The following SEPTIN9 variants were observed in gnomAD, a reference collection of about 807,000 sequenced individuals.
SEPTIN9 encodes septin 9.
A neutral mutation model predicts 56.6 loss-of-function variants in SEPTIN9; 13 were observed. The observed-to-expected ratio is 0.23, with a 90% confidence interval of 0.15 to 0.37. The LOEUF (loss-of-function observed/expected upper bound fraction) is 0.37, where lower values mean the gene tolerates loss of function less well. SEPTIN9 is among the 10% of genes least tolerant of loss of function. SEPTIN9 has a pLI of 1.00. For missense variants in SEPTIN9, 650 were observed against 823.1 expected, an observed-to-expected ratio of 0.79 and a Z score of 2.57; for synonymous variants, 332 against 334.1, an observed-to-expected ratio of 0.99 and a Z score of 0.07.
intron 3 of SEPTIN9, among the ~76,000 whole-genome samples, chr17:77,403,131 G>A (rs1229141203): frequency 2.0e-5 from 3 of 152,102 alleles, no homozygotes; most frequent in African/African-American, 7.2e-5. Flanking sequence ...ACATTCTGGT[G>A]GCTCCTGCTT....
At chr17:77,360,193 C>G (rs1033499111) in intron 2 of SEPTIN9, among the ~76,000 whole-genome samples, 2 of 150,982 alleles carry the variant, frequency 1.3e-5, no homozygotes, top group Non-Finnish European at 2.9e-5. Context: ...AGGGCCAGGT[C>G]TGTAGCCACA....
chr17:77,320,399 G>C (rs542039627), intron 2 of SEPTIN9: 2 of 1,506,938 alleles, frequency 1.3e-6, no homozygotes, highest in East Asian at 2.3e-5. Context: ...CCCTGGACTC[G>C]GGGCTTTATT....
rs2040098327 is a variant in SEPTIN9 at position 77,492,977 on chromosome 17, C to T, written c.1477-3C>T. 3 of 1,563,036 alleles carry T rather than the reference C, an allele frequency of 1.9e-6. No homozygotes were observed. The highest frequency in any genetic ancestry group is 1.7e-6 in the Non-Finnish European group (2 of 1,153,910). ...TAACCAATACCGTCTGCCCGTTCCC[C>T]AGGAGATGATCCCATTTGCTGTGGT... On this transcript the variant is annotated splice_region_variant and splice_polypyrimidine_tract_variant and intron_variant, in intron 9 of 11. Coordinates refer to ENST00000427177, the MANE Select transcript of SEPTIN9 (RefSeq NM_001113491.2). The surrounding 1 kb of genome is among the most constrained non-coding windows in gnomAD (Gnocchi z 5.4).
At chr17:77,306,391 C>T (rs1159198929) in intron 1 of SEPTIN9, among the ~76,000 whole-genome samples, 3 of 152,218 alleles carry the variant, frequency 2.0e-5, no homozygotes, top group South Asian at 4.1e-4. Flanking sequence ...CTCCCAGGGC[C>T]GCTCCTCCTG....
chr17:77,341,624 A>C (rs2143758813), intron 2 of SEPTIN9, among the ~76,000 whole-genome samples: 1 of 151,716 alleles, frequency 6.6e-6, no homozygotes, highest in East Asian at 1.9e-4. Flanking sequence ...AAAATACCAA[A>C]ATTAGCCAGG....
In SEPTIN9 at chr17:77,435,713, G is replaced by A. The variant is rs2037311573; in HGVS notation, c.721+33010G>A. The stretch of plus-strand genomic sequence containing the variant: ...GTAATCCGTAGTGCTGTTGTCTGTG[G>A]CTGCCTTTGGCTGGCATCTCACCTC... On this transcript the variant is annotated intron_variant, in intron 3 of 11. Transcript: ENST00000427177. The surrounding 1 kb of genome is among the most constrained non-coding windows in gnomAD (Gnocchi z 4.5). Among the ~76,000 whole-genome samples the A allele has an allele frequency of 6.6e-6, 1 of 152,232 alleles. No individual in the cohort carries two copies. The highest frequency in any genetic ancestry group is 6.5e-5 in the Admixed American group (1 of 15,288).
At position 77,329,741 on chromosome 17, in the gene SEPTIN9, C is replaced by T. The variant is rs1437145436; in HGVS notation, c.76+22544C>T. Among the ~76,000 whole-genome samples the T allele has an allele frequency of 1.3e-5, 2 of 152,172 alleles. No homozygotes were observed. Among genetic ancestry groups the T allele is most frequent in the Non-Finnish European group, 2.9e-5 (2 of 68,030 alleles). Reference sequence around the variant, plus strand: ...TGCTGTCCACCGTCCCACCATCCTTCAGGTTTCTTCCCAGCCTCTGACTCG... The same window carrying T: ...TGCTGTCCACCGTCCCACCATCCTTTAGGTTTCTTCCCAGCCTCTGACTCG... On this transcript the variant is annotated intron_variant, in intron 2 of 11. Transcript: ENST00000427177. The surrounding 1 kb of genome is among the most constrained non-coding windows in gnomAD (Gnocchi z 4.3).
chr17:77,294,511 G>A (rs759248821), intron 1 of SEPTIN9: 14 of 169,500 alleles, frequency 8.3e-5, no homozygotes, highest in Non-Finnish European at 1.3e-4. Context: ...CAAAAGTGGC[G>A]GTCAACATGG....
intron 3 of SEPTIN9, among the ~76,000 whole-genome samples, chr17:77,426,740 A>G (rs312892): frequency 0.22 from 33,578 of 152,030 alleles, 8,493 homozygotes; most frequent in African/African-American, 0.61. Flanking sequence ...GTGGCTTTCT[A>G]TGGGGCATGG....
intron 2 of SEPTIN9, among the ~76,000 whole-genome samples, chr17:77,395,835 A>G (rs1385471908): frequency 6.6e-6 from 1 of 152,230 alleles, no homozygotes; most frequent in African/African-American, 2.4e-5. Flanking sequence ...GGCCTTTGAC[A>G]TATGGGTTTA....
Position 77,429,639 on chromosome 17 carries a change from A to T in SEPTIN9, c.721+26936A>T, listed in dbSNP as rs536864055. On this transcript the variant is annotated intron_variant, in intron 3 of 11. Transcript: ENST00000427177. This position sits in a 1 kb window ranked among gnomAD's most constrained non-coding sequence, Gnocchi z 5.2. ...GGGTGCTGGTGTGGAGTTTGCACAG[A>T]TGGGGATAATGAGCTGGAGGGTGCT... Among the ~76,000 whole-genome samples the T allele has an allele frequency of 6.6e-6, 1 of 152,208 alleles. No homozygotes were observed. Among genetic ancestry groups the T allele is most frequent in the South Asian group, 2.1e-4 (1 of 4,822 alleles).
At position 77,326,458 on chromosome 17, in the gene SEPTIN9, A is replaced by G. The variant is rs547974155; in HGVS notation, c.76+19261A>G. ...ACACCTTCGGGCTGAGCGCAGAAGG[A>G]TGAGGGGAGTAAACCAGGCTCAAAC... On this transcript the variant is annotated intron_variant, in intron 2 of 11. Coordinates refer to ENST00000427177, the MANE Select transcript of SEPTIN9 (RefSeq NM_001113491.2). This position sits in a 1 kb window ranked among gnomAD's most constrained non-coding sequence, Gnocchi z 5.1. Among the ~76,000 whole-genome samples, 10 of 152,334 alleles carry G rather than the reference A, an allele frequency of 6.6e-5. No individual in the cohort carries two copies. The South Asian group carries it at 2.1e-3, about 32-fold the overall frequency.
chr17:77,380,428 C>T (rs2035103320), intron 2 of SEPTIN9, among the ~76,000 whole-genome samples: 6 of 151,844 alleles, frequency 4.0e-5, no homozygotes, highest in Admixed American at 3.9e-4. Flanking sequence ...CTGAATATCC[C>T]CCTACAGCCT....
chr17:77,387,598 G>C (rs1038716810), intron 2 of SEPTIN9, among the ~76,000 whole-genome samples: 1 of 152,060 alleles, frequency 6.6e-6, no homozygotes, highest in African/African-American at 2.4e-5. Flanking sequence ...CGGAGACACC[G>C]CGGATCTCCT....
rs2040077684 is a variant in SEPTIN9 at position 77,492,632 on chromosome 17, C to A, written c.1392C>A (p.Asp464Glu). Residue 464 changes from aspartate (D) to glutamate (E), a missense_variant, in exon 9 of 12, where the codon GAC becomes GAA. Asp to Glu is a conservative substitution (Grantham distance 45). Transcript: ENST00000427177. The surrounding 1 kb of genome is among the most constrained non-coding windows in gnomAD (Gnocchi z 5.4). ...CCTCCTTATCCCAGATCACCGCAGACCTGCTGTCCAACGGCATCGACGTGT... is the reference window on the plus strand; with the variant it reads ...CCTCCTTATCCCAGATCACCGCAGAACTGCTGTCCAACGGCATCGACGTGT... The part of the protein sequence containing the change: ...RVHFKQRITA[D>E]LLSNGIDVYP... 6.2e-7 allele frequency: 1 copy of A among 1,614,070 alleles called. No homozygotes were observed. Among genetic ancestry groups the A allele is most frequent in the Non-Finnish European group, 8.5e-7 (1 of 1,179,978 alleles).
chr17:77,462,366 G>A (rs888337994), intron 3 of SEPTIN9, among the ~76,000 whole-genome samples: 1 of 151,816 alleles, frequency 6.6e-6, no homozygotes, highest in East Asian at 2.0e-4. Context: ...TGCCGGCCCC[G>A]GGAGCTGCTC....
chr17:77,459,689 G>A (rs2144488022), intron 3 of SEPTIN9, among the ~76,000 whole-genome samples: 1 of 152,152 alleles, frequency 6.6e-6, no homozygotes, highest in East Asian at 1.9e-4. Flanking sequence ...CACGTCACAT[G>A]GCGAGAGAGA....
intron 3 of SEPTIN9, chr17:77,442,117 C>T (rs902844417): frequency 2.6e-5 from 4 of 152,102 alleles, no homozygotes; most frequent in Admixed American, 6.5e-5. Flanking sequence ...GTGACTGGTC[C>T]GAAGGTAGTG....
intron 3 of SEPTIN9, chr17:77,468,966 A>T (rs1401387482): frequency 6.6e-6 from 1 of 151,966 alleles, no homozygotes; most frequent in Non-Finnish European, 1.5e-5. Flanking sequence ...TAGATGGGGG[A>T]TGGGGTGGGA....
Sources: gnomAD v4.1 joint callset for allele counts (sites outside exome capture counted in the v4.1 genomes callset) on GRCh38, gnomAD v4.1.1 for gene constraint, Gnocchi (gnomAD v3.1) non-coding constraint, MANE v1.5 for transcripts, NCBI Gene and HGNC (gene_info 2026-07-23, HGNC 2026-07-21) for gene names.